Variants in MSRB3 observed in about 807,000 individuals in gnomAD.
MSRB3 encodes the protein methionine-R-sulfoxide reductase B3.
Under a neutral mutation model 21.0 loss-of-function variants are expected in MSRB3, and 13 were observed. The ratio of observed to expected loss-of-function variants is 0.62; its 90% CI spans 0.40 to 0.98. The LOEUF (loss-of-function observed/expected upper bound fraction) is 0.98, where lower values mean the gene tolerates loss of function less well. Ranked by LOEUF, MSRB3 falls within the 50% of genes least tolerant of loss-of-function variation. The pLI, the probability that MSRB3 is intolerant of heterozygous loss-of-function variation, is 0.00. For synonymous variants in MSRB3, 87 were observed against 88.6 expected (o/e 0.98, Z 0.10); for missense variants, 199 against 230.3 (o/e 0.86, Z 0.88).
chr12:65,384,791 T>C (rs138390018), intron 5 of MSRB3, among the ~76,000 whole-genome samples: 110 of 152,302 alleles, frequency 7.2e-4, no homozygotes, highest in Non-Finnish European at 1.2e-3. Context: ...TCTAAGATTA[T>C]GTTTTCAATT....
chr12:65,408,711 G>A (rs766388325), intron 5 of MSRB3, among the ~76,000 whole-genome samples: 1 of 152,194 alleles, frequency 6.6e-6, no homozygotes, highest in Non-Finnish European at 1.5e-5. Flanking sequence ...TTCCCCATTT[G>A]ATGAGACAAC....
rs138736676 is a variant in MSRB3 at position 65,321,639 on chromosome 12, T to G, written c.77-5187T>G. On this transcript the variant is annotated intron_variant, in intron 2 of 6. Coordinates refer to ENST00000308259, the MANE Select transcript of MSRB3 (RefSeq NM_001031679.3). Reference sequence around the variant, plus strand: ...TCTTATCTTAAAGCCTTTATTGAATTACTAGAATGCAAACAAACAAAAAAT... The same window carrying G: ...TCTTATCTTAAAGCCTTTATTGAATGACTAGAATGCAAACAAACAAAAAAT... Among the ~76,000 whole-genome samples the G allele has an allele frequency of 1.8e-4, 28 of 152,290 alleles. No individual in the cohort carries two copies. The East Asian group carries it at 4.6e-3, about 25-fold the overall frequency.
intron 4 of MSRB3, among the ~76,000 whole-genome samples, chr12:65,357,072 A>G (rs1256619872): frequency 6.6e-6 from 1 of 151,938 alleles, no homozygotes; most frequent in Non-Finnish European, 1.5e-5. Flanking sequence ...GAAGTGGCAA[A>G]TGACTCCAAA....
intron 5 of MSRB3, among the ~76,000 whole-genome samples, chr12:65,405,068 A>C (rs998747927): frequency 3.3e-5 from 5 of 151,798 alleles, no homozygotes; most frequent in African/African-American, 1.2e-4. Flanking sequence ...CTCCTGCTTC[A>C]GCCTCCCAAG....
intron 2 of MSRB3, among the ~76,000 whole-genome samples, chr12:65,317,179 A>G (rs1874354374): frequency 6.6e-6 from 1 of 152,132 alleles, no homozygotes; most frequent in Non-Finnish European, 1.5e-5. Context: ...TCATTTCCCA[A>G]ATTATAATCT....
chr12:65,452,864 C>T (rs746014116), intron 5 of MSRB3, among the ~76,000 whole-genome samples: 1 of 152,142 alleles, frequency 6.6e-6, no homozygotes, highest in African/African-American at 2.4e-5. Context: ...AGCAACATCG[C>T]CCCTCTTTCA....
In MSRB3 at chr12:65,308,553, C is replaced by T. The variant is rs770122106; in HGVS notation, c.-27C>T. On this transcript the variant is annotated 5_prime_UTR_variant, in exon 2 of 7. Transcript: ENST00000308259. ...GCTCTTGCCCCTGTTCTTTGCTTCT[C>T]GTTTTGTTGGTGAAGATATCACAGT... The T allele has an allele frequency of 2.2e-5, 35 of 1,613,600 alleles. No individual in the cohort carries two copies. The highest frequency in any genetic ancestry group is 7.7e-5 in the South Asian group (7 of 91,078).
At chr12:65,357,115 C>T (rs964746623) in intron 4 of MSRB3, among the ~76,000 whole-genome samples, 1 of 151,860 alleles carries the variant, frequency 6.6e-6, no homozygotes, top group East Asian at 1.9e-4. Flanking sequence ...CATTTCTTCC[C>T]CATATACTAA....
Position 65,327,048 on chromosome 12 carries a change from T to G in MSRB3, c.185+114T>G. ...AGCATTCTATACTTACTTGCTAAAG[T>G]CTATGAATTAGTATCCTTGAAAAGG... On this transcript the variant is annotated intron_variant, in intron 3 of 6. Coordinates refer to ENST00000308259, the MANE Select transcript of MSRB3 (RefSeq NM_001031679.3). 3.9e-6 allele frequency: 3 copies of G among 779,062 alleles called. 1 individual carries two copies. In the South Asian group the frequency reaches 4.5e-5, roughly 12 times the overall value. The allele number at this position is 779,062 out of a possible 1,614,324, so 48.3% of individuals were successfully genotyped here.
chr12:65,291,435 G>A (rs1468519563), intron 1 of MSRB3, among the ~76,000 whole-genome samples: 2 of 150,878 alleles, frequency 1.3e-5, no homozygotes, highest in African/African-American at 4.9e-5. Flanking sequence ...CAAGCTCTTG[G>A]GTAATTTCCT....
intron 1 of MSRB3, chr12:65,279,087 C>T (rs1871841673): frequency 1.4e-6 from 2 of 1,393,750 alleles, no homozygotes; most frequent in South Asian, 1.6e-5. Flanking sequence ...GGCTGGTTTC[C>T]CCCCACCCGC....
At chr12:65,382,667 G>A (rs1243904231) in intron 5 of MSRB3, among the ~76,000 whole-genome samples, 3 of 151,762 alleles carry the variant, frequency 2.0e-5, no homozygotes, top group African/African-American at 7.3e-5. Context: ...GTGATGATAT[G>A]TGGCTTTTAC....
chr12:65,278,943 C>T, intron 1 of MSRB3, 78 bp downstream of exon 1: 1 of 1,530,112 alleles, frequency 6.5e-7, no homozygotes, highest in Non-Finnish European at 8.8e-7. Flanking sequence ...GGTGTGACCC[C>T]GAGCCGGGAT....
intron 2 of MSRB3, among the ~76,000 whole-genome samples, chr12:65,320,982 G>A (rs1874624829): frequency 6.6e-6 from 1 of 152,122 alleles, no homozygotes; most frequent in African/African-American, 2.4e-5. Flanking sequence ...TCTTCCTTCA[G>A]AGATCAGCAC....
intron 2 of MSRB3, among the ~76,000 whole-genome samples, chr12:65,318,519 G>T (rs1874454291): frequency 1.3e-5 from 2 of 151,864 alleles, no homozygotes; most frequent in Admixed American, 1.3e-4. Context: ...TTTTTTATGG[G>T]CTATGATGTT....
intron 4 of MSRB3, among the ~76,000 whole-genome samples, chr12:65,360,009 G>A (rs1004473356): frequency 1.3e-5 from 2 of 152,106 alleles, no homozygotes; most frequent in Middle Eastern, 3.4e-3. Context: ...CAGGTCTGAT[G>A]TCTTCTGAGG....
chr12:65,314,155 G>A (rs892376743), intron 2 of MSRB3, among the ~76,000 whole-genome samples: 4 of 152,078 alleles, frequency 2.6e-5, no homozygotes, highest in Non-Finnish European at 5.9e-5. Context: ...TTCATGTGTA[G>A]ACTTTCTATA....
At chr12:65,370,162 C>T (rs1321362205) in intron 5 of MSRB3, among the ~76,000 whole-genome samples, 1 of 152,114 alleles carries the variant, frequency 6.6e-6, no homozygotes, top group African/African-American at 2.4e-5. Flanking sequence ...ATAAGATAAA[C>T]ATTTTTGGTT....
chr12:65,463,423 G>T lies in MSRB3; in HGVS notation c.*101G>T. On this transcript the variant is annotated 3_prime_UTR_variant, in exon 7 of 7. Coordinates refer to ENST00000308259, the MANE Select transcript of MSRB3 (RefSeq NM_001031679.3). ...GATATATTTTTTCAAAAACTATAAG[G>T]GCAGTTTTGTGCTATTGATATTTTT... 1 of 1,396,870 alleles carries T rather than the reference G, an allele frequency of 7.2e-7. No individual in the cohort carries two copies. The highest frequency in any genetic ancestry group is 9.8e-7 in the Non-Finnish European group (1 of 1,021,986). 86.5% of individuals were successfully genotyped at this position (1,396,870 alleles called of 1,614,324 possible).
Sources: gnomAD v4.1 joint callset for allele counts (sites outside exome capture counted in the v4.1 genomes callset) on GRCh38, gnomAD v4.1.1 for gene constraint, MANE v1.5 for transcripts, NCBI Gene and HGNC (gene_info 2026-07-23, HGNC 2026-07-21) for gene names.